Variants in IFT88 observed in about 807,000 individuals in gnomAD.
IFT88 encodes the protein intraflagellar transport 88, also known as intraflagellar transport protein 88 homolog.
A neutral mutation model predicts 119.5 loss-of-function variants in IFT88; 74 were observed. The observed-to-expected ratio is 0.62, with a 90% confidence interval of 0.51 to 0.75. IFT88 has a LOEUF of 0.75. Among genes scored for constraint, IFT88 ranks in the 30% least tolerant of loss-of-function variants. The pLI is 0.00. For missense variants in IFT88, 961 were observed against 977.7 expected (o/e 0.98, Z 0.23); for synonymous variants, 279 against 316.7 (o/e 0.88, Z 1.26).
intron 20 of IFT88, among the ~76,000 whole-genome samples, chr13:20,646,398 G>T (rs1373484501): frequency 1.3e-5 from 2 of 151,818 alleles, no homozygotes; most frequent in Non-Finnish European, 2.9e-5. Flanking sequence ...TGCTTCCCAG[G>T]TTTAAGCGAT....
At chr13:20,652,500 AGT>A (rs1225279420) in intron 20 of IFT88, among the ~76,000 whole-genome samples, 7 of 151,984 alleles carry the variant, frequency 4.6e-5, no homozygotes, top group Non-Finnish European at 7.4e-5. Flanking sequence ...CTGCCATGGC[AGT>A]GTGTGCCAGT....
Position 20,670,960 on chromosome 13 carries a change from C to A in IFT88, c.2176-13C>A. The A allele has an allele frequency of 1.2e-6, 2 of 1,610,748 alleles. No individual in the cohort carries two copies. The highest frequency in any genetic ancestry group is 1.7e-6 in the Non-Finnish European group (2 of 1,178,482). ...GCACTTATTCTTTTAAACTTGTCTT[C>A]TCTTTGCTCTAGCGCATAAAGTCAG... is the stretch of plus-strand genomic sequence containing the variant. On this transcript the variant is annotated splice_polypyrimidine_tract_variant and intron_variant, in intron 23 of 25. Coordinates refer to ENST00000351808, the MANE Select transcript of IFT88 (RefSeq NM_006531.5).
intron 3 of IFT88, among the ~76,000 whole-genome samples, chr13:20,583,260 T>G (rs777979246): frequency 1.4e-4 from 21 of 152,200 alleles, no homozygotes; most frequent in Non-Finnish European, 3.1e-4. Flanking sequence ...ACCATTCTAC[T>G]TTCTATTTCT....
chr13:20,638,606 CATT>C (rs2049385119), intron 17 of IFT88, 88 bp downstream of exon 17: 8 of 807,254 alleles, frequency 9.9e-6, no homozygotes, highest in Non-Finnish European at 1.2e-5. Flanking sequence ...AGCTCTAACA[CATT>C]AGGAGGAGGA....
rs2058438446 is a variant in IFT88, at chr13:20,691,241, G to A, written c.*66G>A. On this transcript the variant is annotated 3_prime_UTR_variant, in exon 26 of 26. Transcript: ENST00000351808. ...TGAGATCATCCTCATGTTAAACCTTGGATTAAATATCTAACCTGTAATTAT... is the reference window on the plus strand; with the variant it reads ...TGAGATCATCCTCATGTTAAACCTTAGATTAAATATCTAACCTGTAATTAT... 2.1e-6 allele frequency: 3 copies of A among 1,397,178 alleles called. No homozygotes were observed. Among genetic ancestry groups the A allele is most frequent in the Non-Finnish European group, 2.0e-6 (2 of 1,022,374 alleles). The allele number at this position is 1,397,178 out of a possible 1,614,324, so 86.5% of individuals were successfully genotyped here.
intron 22 of IFT88, among the ~76,000 whole-genome samples, chr13:20,657,824 A>G (rs911840070): frequency 2.0e-5 from 3 of 152,160 alleles, no homozygotes; most frequent in Admixed American, 1.3e-4. Flanking sequence ...AATGAACACA[A>G]AAGAATGCAT....
intron 14 of IFT88, among the ~76,000 whole-genome samples, chr13:20,625,089 C>G (rs558069097): frequency 6.6e-6 from 1 of 152,278 alleles, no homozygotes; most frequent in East Asian, 1.9e-4. Context: ...AGTCGTGACC[C>G]ACTAAATTGA....
chr13:20,594,264 A>C (rs2041245597), intron 7 of IFT88, among the ~76,000 whole-genome samples: 1 of 152,142 alleles, frequency 6.6e-6, no homozygotes, highest in South Asian at 2.1e-4. Flanking sequence ...TTGAGAGTTC[A>C]AAATCTCCAT....
rs2041775691 is a variant in IFT88 at position 20,597,095 on chromosome 13, T to C, written c.570T>C (p.Asn190=). The part of the protein sequence containing the change: ...RQREQVTTPE[N]INLDLTYSVL... ...GAGAACAAGTTACAACTCCAGAAAA[T>C]ATCAATTTGGATTTAACTTACTCAG... The change falls in exon 9 of 26, where the codon AAT becomes AAC. Residue 190 remains asparagine (N), a synonymous_variant. Transcript: ENST00000351808. 6.3e-7 allele frequency: 1 copy of C among 1,595,660 alleles called. No homozygotes were observed. Among genetic ancestry groups the C allele is most frequent in the East Asian group, 2.3e-5 (1 of 44,314 alleles).
At chr13:20,569,889 A>T (rs1025285331) in intron 1 of IFT88, among the ~76,000 whole-genome samples, 1 of 150,636 alleles carries the variant, frequency 6.6e-6, no homozygotes, top group Non-Finnish European at 1.5e-5. Context: ...AAATAAAAAT[A>T]AAAAAATTAG....
At chr13:20,688,022 C>CT (rs1297015589) in intron 24 of IFT88, among the ~76,000 whole-genome samples, 1 of 152,188 alleles carries the variant, frequency 6.6e-6, no homozygotes, top group Non-Finnish European at 1.5e-5. Context: ...TGGCAATACT[C>CT]TGAGTAGGCC....
Position 20,597,044 on chromosome 13 carries a change from AAAAG to A in IFT88, c.521_524del (p.Lys174ArgfsTer5). 6.2e-7 allele frequency: 1 copy of A among 1,606,872 alleles called. No homozygotes were observed. On this transcript the variant is annotated frameshift_variant, in exon 9 of 26. Transcript: ENST00000351808. LOFTEE classifies it high-confidence loss of function. Reference sequence around the variant, plus strand: ...TAGAAAAGGCAAAAGATGCAGGAAGAAAAGAGAGAGTCCTGGTGAGACAGCGAGA... The same window carrying A: ...TAGAAAAGGCAAAAGATGCAGGAAGAAGAGAGTCCTGGTGAGACAGCGAGA...
intron 4 of IFT88, among the ~76,000 whole-genome samples, chr13:20,590,365 G>A (rs779540080): frequency 1.3e-5 from 2 of 152,044 alleles, no homozygotes; most frequent in African/African-American, 4.8e-5. Flanking sequence ...CTGTAATTTG[G>A]ATGTTTTAGC....
intron 23 of IFT88, among the ~76,000 whole-genome samples, chr13:20,664,010 C>G (rs572155842): frequency 1.3e-5 from 2 of 152,144 alleles, no homozygotes; most frequent in Non-Finnish European, 2.9e-5. Context: ...TTTATTGTCG[C>G]CAAAGTTTGA....
intron 22 of IFT88, among the ~76,000 whole-genome samples, chr13:20,659,333 A>C (rs752098235): frequency 3.9e-5 from 6 of 152,170 alleles, no homozygotes; most frequent in Non-Finnish European, 8.8e-5. Context: ...AACTCTTCTA[A>C]ATATGAAAAA....
At chr13:20,646,617 C>G (rs2050798827) in intron 20 of IFT88, among the ~76,000 whole-genome samples, 1 of 152,060 alleles carries the variant, frequency 6.6e-6, no homozygotes, top group Admixed American at 6.6e-5. Context: ...CACGCCCAGC[C>G]TACACCAATA....
chr13:20,606,731 T>C (rs1403626233), intron 13 of IFT88, among the ~76,000 whole-genome samples: 1 of 151,814 alleles, frequency 6.6e-6, no homozygotes, highest in Non-Finnish European at 1.5e-5. Flanking sequence ...ATACAAAAAT[T>C]AGCCAGGCAT....
chr13:20,687,638 A>G (rs1374875479), intron 24 of IFT88, among the ~76,000 whole-genome samples: 2 of 152,212 alleles, frequency 1.3e-5, no homozygotes, highest in African/African-American at 2.4e-5. Context: ...AATTATTACA[A>G]ATATCTATGT....
intron 3 of IFT88, among the ~76,000 whole-genome samples, chr13:20,588,422 CT>C (rs931680583): frequency 5.3e-5 from 8 of 151,976 alleles, no homozygotes; most frequent in African/African-American, 1.9e-4. Context: ...TTTATCTTGG[CT>C]TTTGGTTAGG....
Sources: allele counts gnomAD v4.1 joint callset (sites outside exome capture counted in the v4.1 genomes callset), GRCh38; gene constraint gnomAD v4.1.1; transcripts MANE v1.5; gene names NCBI Gene and HGNC (gene_info 2026-07-23, HGNC 2026-07-21).